The following DPY19L2 variants were observed in gnomAD, a reference collection of about 807,000 sequenced individuals.
The protein encoded by DPY19L2 is dpy-19 like 2, also known as probable C-mannosyltransferase DPY19L2.
DPY19L2 carries 34 observed loss-of-function variants against 97.9 expected under a neutral mutation model. That is an observed-to-expected ratio of 0.35 (90% confidence interval 0.26 to 0.46). DPY19L2 has a LOEUF of 0.46. Ranked by LOEUF, DPY19L2 falls within the 20% of genes least tolerant of loss-of-function variation. The pLI, the probability that DPY19L2 is intolerant of heterozygous loss-of-function variation, is 1.00. For missense variants in DPY19L2, 623 were observed against 911.4 expected (o/e 0.68, Z 4.07); for synonymous variants, 230 against 307.9 (o/e 0.75, Z 2.65).
intron 6 of DPY19L2, 33 bp from the exon 7 acceptor site, chr12:63,626,559 C>T (rs1452170470): frequency 1.3e-6 from 2 of 1,515,222 alleles, no homozygotes; most frequent in Non-Finnish European, 8.8e-7. Flanking sequence ...ACAGAGAATA[C>T]AATCAAAATT....
At chr12:63,635,350 T>A (rs1344173481) in intron 6 of DPY19L2, among the ~76,000 whole-genome samples, 1 of 152,044 alleles carries the variant, frequency 6.6e-6, no homozygotes, top group African/African-American at 2.4e-5. Flanking sequence ...GAAAAAAAGC[T>A]GAAAATTCTA....
chr12:63,597,368 T>G (rs1300274745), intron 14 of DPY19L2, among the ~76,000 whole-genome samples: 1 of 152,046 alleles, frequency 6.6e-6, no homozygotes, highest in Admixed American at 6.6e-5. Context: ...TCATTAAAAC[T>G]CATCAGTAGC....
chr12:63,599,178 C>CAAAAAAAA (rs34866870), intron 13 of DPY19L2, among the ~76,000 whole-genome samples: 2 of 125,006 alleles, frequency 1.6e-5, no homozygotes. Flanking sequence ...TTTCAAAAAA[C>CAAAAAAAA]AAAAAAAAAA....
At chr12:63,585,873 C>G (rs1881704247) in intron 16 of DPY19L2, among the ~76,000 whole-genome samples, 1 of 151,872 alleles carries the variant, frequency 6.6e-6, no homozygotes, top group South Asian at 2.1e-4. Flanking sequence ...AAAATAAGCT[C>G]CAGTGAAAAG....
intron 6 of DPY19L2, among the ~76,000 whole-genome samples, chr12:63,634,731 T>G (rs956073916): frequency 1.7e-4 from 26 of 152,030 alleles, no homozygotes; most frequent in African/African-American, 6.0e-4. Flanking sequence ...GTGAGGCTGG[T>G]GGAGGGGCGT....
intron 19 of DPY19L2, among the ~76,000 whole-genome samples, chr12:63,574,561 AAC>A (rs1354704134): frequency 6.6e-6 from 1 of 152,008 alleles, no homozygotes; most frequent in Admixed American, 6.6e-5. Flanking sequence ...ACCTACAAGA[AAC>A]ACACTTTACT....
In DPY19L2 at chr12:63,644,387, T is replaced by C. The variant is rs1893111793; in HGVS notation, c.803+16A>G. On this transcript the variant is annotated intron_variant, in intron 6 of 21. Coordinates refer to ENST00000324472, the MANE Select transcript of DPY19L2 (RefSeq NM_173812.5). The stretch of plus-strand genomic sequence containing the variant: ...AAAGCCCACTGAAAGGTCTCTTAAT[T>C]CAGTAGTAGTCTTACCTCAGGTATG... 6.3e-7 allele frequency: 1 copy of C among 1,595,690 alleles called. No individual in the cohort carries two copies. The highest frequency in any genetic ancestry group is 8.5e-7 in the Non-Finnish European group (1 of 1,174,732).
chr12:63,667,838 ACT>A lies in DPY19L2; in HGVS notation c.337+217_337+218del, dbSNP rs772490057. ...CTTTAAAACTCCTAGACCTTAAAAC[ACT>A]CTCTGCGATCTGACAGCCCTTCAAA... On this transcript the variant is annotated intron_variant, in intron 1 of 21. Coordinates refer to ENST00000324472, the MANE Select transcript of DPY19L2 (RefSeq NM_173812.5). Among the ~76,000 whole-genome samples the A allele has an allele frequency of 9.9e-5, 15 of 151,676 alleles. No individual in the cohort carries two copies. The East Asian group carries it at 1.7e-3, about 18-fold the overall frequency.
At chr12:63,614,924 C>A (rs1887603677) in intron 11 of DPY19L2, among the ~76,000 whole-genome samples, 1 of 152,064 alleles carries the variant, frequency 6.6e-6, no homozygotes, top group Admixed American at 6.6e-5. Context: ...AACACCATTT[C>A]CCCAGTAAAG....
At chr12:63,659,092 T>C (rs1009304049) in intron 4 of DPY19L2, among the ~76,000 whole-genome samples, 73 of 152,202 alleles carry the variant, frequency 4.8e-4, no homozygotes, top group Admixed American at 8.5e-4. Context: ...ATTTAGGGTA[T>C]ATCTACTGGA....
At chr12:63,595,036 C>T (rs1471137925) in intron 15 of DPY19L2, among the ~76,000 whole-genome samples, 1 of 152,182 alleles carries the variant, frequency 6.6e-6, no homozygotes, top group African/African-American at 2.4e-5. Flanking sequence ...CTGCAGGGAA[C>T]TGGATCAAGG....
chr12:63,651,375 T>C (rs953556176), intron 4 of DPY19L2, among the ~76,000 whole-genome samples: 6 of 151,954 alleles, frequency 3.9e-5, no homozygotes, highest in African/African-American at 2.4e-5. Flanking sequence ...CCAAAAGCAA[T>C]TGCAACAAAA....
chr12:63,630,076 T>C (rs1890312871), intron 6 of DPY19L2, among the ~76,000 whole-genome samples: 1 of 152,034 alleles, frequency 6.6e-6, no homozygotes, highest in Non-Finnish European at 1.5e-5. Context: ...GCATGAAATA[T>C]GGAAAGGAAC....
In DPY19L2 at chr12:63,569,286, T is replaced by A. The variant is rs750515445; in HGVS notation, c.2064A>T (p.Lys688Asn). The A allele has an allele frequency of 9.2e-5, 148 of 1,601,632 alleles. No homozygotes were observed. Among genetic ancestry groups the A allele is most frequent in the Middle Eastern group, 2.3e-4 (1 of 4,428 alleles). ...SRKSAKEVRD[K>N]LLELHVNYYV... Reference sequence around the variant, plus strand: ...AATAATTCACATGTAACTCCAACAATTTATCTCTTACTTCTTTGGCAGATT... The same window carrying A: ...AATAATTCACATGTAACTCCAACAAATTATCTCTTACTTCTTTGGCAGATT... The change falls in exon 21 of 22, where the codon AAA (lysine) becomes AAT (asparagine). Residue 688 changes from lysine (K) to asparagine (N), a missense_variant. Physicochemically the swap from Lys to Asn is moderately conservative, Grantham distance 94 (BLOSUM62 0). Around this residue, in one of 6 missense-constraint regions of DPY19L2, gnomAD observed 294 missense variants for 446.2 expected, o/e 0.66. Coordinates refer to ENST00000324472, the MANE Select transcript of DPY19L2 (RefSeq NM_173812.5).
chr12:63,638,681 C>A (rs7487989), intron 6 of DPY19L2, among the ~76,000 whole-genome samples: 62,614 of 151,714 alleles, frequency 0.41, 12,811 homozygotes, highest in South Asian at 0.47. Context: ...GAACCACAAA[C>A]CACTGCTCAA....
intron 12 of DPY19L2, among the ~76,000 whole-genome samples, chr12:63,604,515 C>T (rs1321031605): frequency 1.3e-5 from 2 of 151,982 alleles, no homozygotes; most frequent in Non-Finnish European, 2.9e-5. Context: ...CCATAGGTCC[C>T]GAAGGCTCTG....
chr12:63,626,503 A>T lies in DPY19L2; in HGVS notation c.827T>A (p.Ile276Asn). The change falls in exon 7 of 22, where the codon ATT becomes AAT. Residue 276 changes from isoleucine to asparagine, a missense_variant. By Grantham distance (149) the Ile-to-Asn change is moderately radical (BLOSUM62 -3). This residue lies in a region of DPY19L2 where 67 missense variants were observed against 88.0 expected (regional missense o/e 0.76). Coordinates refer to ENST00000324472, the MANE Select transcript of DPY19L2 (RefSeq NM_173812.5). Reference protein sequence around the residue: ...YLSGTQLGGLITVLCFFFNHG... With the variant: ...YLSGTQLGGLNTVLCFFFNHG... ...GTTGAAAAAGAAGCACAGTACTGTA[A>T]TAAGACCTCCCAGTTGAGTCCCACT... The T allele has an allele frequency of 6.3e-7, 1 of 1,580,872 alleles. No individual in the cohort carries two copies. Among genetic ancestry groups the T allele is most frequent in the South Asian group, 1.2e-5 (1 of 84,236 alleles).
intron 7 of DPY19L2, among the ~76,000 whole-genome samples, chr12:63,624,394 G>A (rs763889059): frequency 3.9e-5 from 6 of 152,142 alleles, no homozygotes; most frequent in Middle Eastern, 3.4e-3. Flanking sequence ...AAGATTGTAC[G>A]TATAAGAGTT....
chr12:63,573,064 A>G (rs1786515130), intron 19 of DPY19L2, among the ~76,000 whole-genome samples: 3 of 152,064 alleles, frequency 2.0e-5, no homozygotes, highest in South Asian at 4.1e-4. Context: ...ACAAGCATCA[A>G]AACCATGCAG....
Sources: gnomAD v4.1 joint callset for allele counts (sites outside exome capture counted in the v4.1 genomes callset) on GRCh38, gnomAD v4.1.1 for gene constraint, gnomAD v4.1.1 regional missense constraint, MANE v1.5 for transcripts, NCBI Gene and HGNC (gene_info 2026-07-23, HGNC 2026-07-21) for gene names.